The following ERICH6 variants were observed in gnomAD, a reference collection of about 807,000 sequenced individuals.
The protein encoded by ERICH6 is glutamate rich 6.
ERICH6 carries 71 observed loss-of-function variants against 71.0 expected under a neutral mutation model. That is an observed-to-expected ratio of 1.00 (90% CI 0.83 to 1.22). The LOEUF (loss-of-function observed/expected upper bound fraction) is 1.22. Among genes scored for constraint, ERICH6 ranks in the 50% most tolerant of loss-of-function variants. The probability of loss-of-function intolerance (pLI) is 0.00; values close to 1 mark genes in which losing one functional copy is unlikely to be tolerated. For missense variants in ERICH6, 808 were observed against 797.2 expected (o/e 1.01, Z -0.16); for synonymous variants, 262 against 278.4 (o/e 0.94, Z 0.59).
chr3:150,674,075 G>A (rs200993569), intron 10 of ERICH6, 34 bp from the exon 11 acceptor site: 2 of 1,575,196 alleles, frequency 1.3e-6, no homozygotes, highest in East Asian at 4.5e-5. Context: ...ACACTTAATT[G>A]TTTCGGACAT....
At chr3:150,680,988 G>A in intron 7 of ERICH6, 58 bp from the exon 8 acceptor site, 3 of 1,465,736 alleles carry the variant, frequency 2.0e-6, no homozygotes, top group Non-Finnish European at 2.7e-6. Flanking sequence ...GGATTAGAGG[G>A]GATAAAAATG....
At chr3:150,678,286 T>TAC in intron 10 of ERICH6, 123 bp downstream of exon 10, 1 of 909,872 alleles carries the variant, frequency 1.1e-6, no homozygotes, top group South Asian at 2.1e-5. Flanking sequence ...ACCAAGTCTG[T>TAC]ACCAATTCTT....
intron 10 of ERICH6, among the ~76,000 whole-genome samples, chr3:150,674,350 C>T (rs989899342): frequency 4.1e-4 from 62 of 151,842 alleles, no homozygotes; most frequent in Non-Finnish European, 1.3e-4. Context: ...AAAAACCAGC[C>T]CCAGCACAAT....
At chr3:150,662,748 G>A (rs770761828) in intron 13 of ERICH6, among the ~76,000 whole-genome samples, 2 of 151,814 alleles carry the variant, frequency 1.3e-5, no homozygotes, top group African/African-American at 4.8e-5. Flanking sequence ...TGACCAAAGA[G>A]GCACTCAGAG....
At chr3:150,685,528 G>A (rs1357128622) in intron 6 of ERICH6, among the ~76,000 whole-genome samples, 1 of 152,008 alleles carries the variant, frequency 6.6e-6, no homozygotes, top group East Asian at 1.9e-4. Flanking sequence ...AAGACAGTAA[G>A]TTTCTGTTGT....
At chr3:150,685,404 G>A (rs1219497044) in intron 6 of ERICH6, among the ~76,000 whole-genome samples, 1 of 152,176 alleles carries the variant, frequency 6.6e-6, no homozygotes, top group Admixed American at 6.5e-5. Context: ...TGCAAGCCAA[G>A]GAATGCCAAA....
intron 3 of ERICH6, among the ~76,000 whole-genome samples, chr3:150,687,127 G>T (rs781082856): frequency 5.9e-5 from 9 of 152,220 alleles, no homozygotes; most frequent in Non-Finnish European, 1.2e-4. Flanking sequence ...GCAAATGTGT[G>T]TCTCAAAATA....
chr3:150,674,229 G>A (rs1432749708), intron 10 of ERICH6, among the ~76,000 whole-genome samples, 188 bp from the exon 11 acceptor site: 1 of 151,676 alleles, frequency 6.6e-6, no homozygotes, highest in Admixed American at 6.6e-5. Context: ...ATCCTTGCAA[G>A]TATAACTTGA....
rs115739010 is a variant in ERICH6, at chr3:150,669,412, G to T, written c.1383C>A (p.Asn461Lys). The T allele has an allele frequency of 1.5e-5, 24 of 1,613,582 alleles. No individual in the cohort carries two copies. The highest frequency in any genetic ancestry group is 1.2e-4 in the South Asian group (11 of 90,968). The part of the protein sequence containing the change: ...SGNLAIIRVP[N>K]KVNGFTCIVQ... ...CTATACAAGTAAAACCATTTACCTT[G>T]TTGGGCACTCGAATGATGGCTAGGT... The change falls in exon 12 of 14, where the codon AAC (asparagine) becomes AAA (lysine). Residue 461 changes from asparagine (N) to lysine (K), a missense_variant. Physicochemically the swap from Asn to Lys is moderately conservative, Grantham distance 94 (BLOSUM62 0). Around this residue, in one of 3 missense-constraint regions of ERICH6, gnomAD observed 736 missense variants for 712.2 expected, o/e 1.03. Coordinates refer to ENST00000295910, the MANE Select transcript of ERICH6 (RefSeq NM_152394.5).
At chr3:150,699,761 G>A (rs1363599639) in intron 2 of ERICH6, among the ~76,000 whole-genome samples, 3 of 149,216 alleles carry the variant, frequency 2.0e-5, no homozygotes, top group African/African-American at 7.4e-5. Flanking sequence ...AAATAATTTT[G>A]AACAGCAACA....
chr3:150,660,685 C>A (rs964197648), intron 13 of ERICH6, among the ~76,000 whole-genome samples: 1 of 152,236 alleles, frequency 6.6e-6, no homozygotes, highest in African/African-American at 2.4e-5. Context: ...CAGCTTTTGA[C>A]GATTCAAGGC....
At chr3:150,702,857 C>A (rs139832372) in intron 1 of ERICH6, among the ~76,000 whole-genome samples, 2 of 145,322 alleles carry the variant, frequency 1.4e-5, no homozygotes, top group African/African-American at 5.1e-5. Context: ...AGTAGTACAG[C>A]ACCCTTAAGG....
intron 2 of ERICH6, among the ~76,000 whole-genome samples, chr3:150,699,180 C>G (rs1225896359): frequency 6.6e-6 from 1 of 151,976 alleles, no homozygotes; most frequent in Non-Finnish European, 1.5e-5. Flanking sequence ...ATGTTCTGTT[C>G]CATGCCTGTA....
intron 13 of ERICH6, among the ~76,000 whole-genome samples, chr3:150,662,509 C>T (rs1727261251): frequency 1.3e-5 from 2 of 152,068 alleles, no homozygotes; most frequent in Admixed American, 6.6e-5. Flanking sequence ...ACATGGAACA[C>T]TTATAAAAAT....
rs1711498227 is a variant in ERICH6, at chr3:150,670,382, T to C, written c.1344-931A>G. ...CTGTAGTCCCAGCTACTCAGGAGGC[T>C]GAGGCAGGAGAATTGCTTGAACCTG... On this transcript the variant is annotated intron_variant, in intron 11 of 13. Coordinates refer to ENST00000295910, the MANE Select transcript of ERICH6 (RefSeq NM_152394.5). 4.0e-5 allele frequency among the ~76,000 whole-genome samples: 6 copies of C among 150,456 alleles called. No homozygotes were observed. The Admixed American group carries it at 4.0e-4, about 10-fold the overall frequency.
chr3:150,689,064 T>C (rs188625931), intron 3 of ERICH6, among the ~76,000 whole-genome samples: 1 of 152,346 alleles, frequency 6.6e-6, no homozygotes, highest in Admixed American at 6.5e-5. Context: ...CGGTGCTTGG[T>C]ACTAGCTTGA....
intron 10 of ERICH6, 66 bp from the exon 11 acceptor site, chr3:150,674,107 A>G (rs920367484): frequency 3.0e-6 from 4 of 1,312,002 alleles, no homozygotes; most frequent in African/African-American, 3.0e-5. Context: ...TACGACAACA[A>G]TGGACATCAG....
chr3:150,693,574 T>C (rs567067687), intron 3 of ERICH6, among the ~76,000 whole-genome samples: 95 of 152,182 alleles, frequency 6.2e-4, no homozygotes, highest in Non-Finnish European at 1.1e-3. Flanking sequence ...ATTCTTTCTA[T>C]AGAACAAAAT....
intron 3 of ERICH6, among the ~76,000 whole-genome samples, chr3:150,691,271 A>C (rs1415638625): frequency 1.3e-5 from 2 of 152,228 alleles, no homozygotes; most frequent in Non-Finnish European, 2.9e-5. Context: ...CTAAAGTTAA[A>C]TTATAGATAT....
Sources: allele counts gnomAD v4.1 joint callset (sites outside exome capture counted in the v4.1 genomes callset), GRCh38; gene constraint gnomAD v4.1.1; regional missense constraint gnomAD v4.1.1; transcripts MANE v1.5; gene names NCBI Gene and HGNC (gene_info 2026-07-23, HGNC 2026-07-21).